NKAIN2: variants seen among roughly 807,000 people sequenced by gnomAD.
NKAIN2 encodes the protein sodium/potassium transporting ATPase interacting 2, also known as sodium/potassium-transporting ATPase subunit beta-1-interacting protein 2.
NKAIN2 carries 14 observed loss-of-function variants against 32.6 expected under a neutral mutation model. That is an observed-to-expected ratio of 0.43 (90% confidence interval 0.28 to 0.67). The LOEUF is 0.67. NKAIN2 is among the 30% of genes least tolerant of loss of function. The pLI is 0.17. For missense variants in NKAIN2, 198 were observed against 258.3 expected (o/e 0.77, Z 1.60); for synonymous variants, 80 against 87.2 (o/e 0.92, Z 0.46).
At chr6:124,806,558 G>T (rs1374720122) in intron 5 of NKAIN2, among the ~76,000 whole-genome samples, 6 of 151,976 alleles carry the variant, frequency 3.9e-5, no homozygotes, top group Admixed American at 1.3e-4. Context: ...AGACCATCGA[G>T]ACTAGGAAGA....
chr6:124,607,389 G>A (rs1777494036), intron 3 of NKAIN2, among the ~76,000 whole-genome samples: 1 of 152,046 alleles, frequency 6.6e-6, no homozygotes, highest in African/African-American at 2.4e-5. Flanking sequence ...AAACATAGAA[G>A]CAAAGCAGGA....
intron 1 of NKAIN2, among the ~76,000 whole-genome samples, chr6:123,850,792 T>C (rs1160013418): frequency 1.3e-5 from 2 of 152,338 alleles, no homozygotes; most frequent in Non-Finnish European, 2.9e-5. Context: ...TGTTATTAAC[T>C]GTAGTCACCA....
intron 4 of NKAIN2, among the ~76,000 whole-genome samples, chr6:124,759,588 AACACACACACACACAC>A (rs542448143): frequency 0.026 from 2,208 of 84,488 alleles, 63 homozygotes; most frequent in African/African-American, 0.042. Context: ...CTGAAATTGC[AACACACACACACACAC>A]ACACACACAC....
intron 1 of NKAIN2, among the ~76,000 whole-genome samples, chr6:123,859,141 C>T (rs1256193721): frequency 6.6e-6 from 1 of 152,026 alleles, no homozygotes; most frequent in Non-Finnish European, 1.5e-5. Context: ...ACAATTAGCT[C>T]CTTTTTTTGG....
intron 3 of NKAIN2, among the ~76,000 whole-genome samples, chr6:124,360,228 A>G (rs1799217872): frequency 6.6e-6 from 1 of 152,108 alleles, no homozygotes; most frequent in South Asian, 2.1e-4. Context: ...TTGGTCTAAA[A>G]TTCTCTTTTT....
At chr6:124,095,607 G>A (rs1416115583) in intron 1 of NKAIN2, among the ~76,000 whole-genome samples, 1 of 151,982 alleles carries the variant, frequency 6.6e-6, no homozygotes, top group African/African-American at 2.4e-5. Flanking sequence ...TTTCTATTCT[G>A]CATAATTTTG....
intron 4 of NKAIN2, among the ~76,000 whole-genome samples, chr6:124,757,867 T>C (rs1380764957): frequency 6.6e-6 from 1 of 152,180 alleles, no homozygotes; most frequent in Non-Finnish European, 1.5e-5. Flanking sequence ...TTATTGAGAT[T>C]AAGAATAAAT....
intron 1 of NKAIN2, among the ~76,000 whole-genome samples, chr6:124,163,256 C>CTAAAA (rs111373413): frequency 9.4e-4 from 142 of 151,714 alleles, no homozygotes; most frequent in African/African-American, 3.4e-3. Flanking sequence ...AAAAAACAAA[C>CTAAAA]TAAAAGTTGC....
chr6:123,807,419 A>T (rs112737062), intron 1 of NKAIN2, among the ~76,000 whole-genome samples: 1 of 152,220 alleles, frequency 6.6e-6, no homozygotes, highest in Non-Finnish European at 1.5e-5. Flanking sequence ...TCTTTTTATC[A>T]TTGCTGTCCT....
chr6:123,941,885 A>G (rs566871011), intron 1 of NKAIN2, among the ~76,000 whole-genome samples: 2 of 151,742 alleles, frequency 1.3e-5, no homozygotes, highest in Non-Finnish European at 2.9e-5. Flanking sequence ...TTTTTTACCA[A>G]TCCCTTCCCT....
At chr6:124,356,524 C>A (rs1798988068) in intron 3 of NKAIN2, among the ~76,000 whole-genome samples, 1 of 152,158 alleles carries the variant, frequency 6.6e-6, no homozygotes. Flanking sequence ...AGAATGTGGA[C>A]AAGTCCTCAC....
chr6:123,904,073 C>CA (rs2114426879), intron 1 of NKAIN2, among the ~76,000 whole-genome samples: 1 of 151,888 alleles, frequency 6.6e-6, no homozygotes, highest in African/African-American at 2.4e-5. Context: ...ACTAAAAATA[C>CA]AAAAAAATTC....
At chr6:124,019,632 ATAT>A (rs568688829) in intron 1 of NKAIN2, among the ~76,000 whole-genome samples, 48 of 152,274 alleles carry the variant, frequency 3.2e-4, no homozygotes, top group African/African-American at 1.1e-3. Context: ...AACATAATAA[ATAT>A]TATGGATCAT....
intron 1 of NKAIN2, among the ~76,000 whole-genome samples, chr6:123,962,451 C>G (rs1777889071): frequency 6.6e-6 from 1 of 152,118 alleles, no homozygotes; most frequent in Non-Finnish European, 1.5e-5. Flanking sequence ...TTTCCTGAGT[C>G]CTTTATAACC....
intron 4 of NKAIN2, among the ~76,000 whole-genome samples, chr6:124,727,698 C>T (rs1441018670): frequency 2.0e-5 from 3 of 150,070 alleles, no homozygotes; most frequent in Admixed American, 1.3e-4. Flanking sequence ...ATCAAATTCA[C>T]ACATAACAAT....
At chr6:124,451,855 T>C (rs919075337) in intron 3 of NKAIN2, among the ~76,000 whole-genome samples, 3 of 152,006 alleles carry the variant, frequency 2.0e-5, no homozygotes, top group Non-Finnish European at 4.4e-5. Flanking sequence ...TTTCCTCTGT[T>C]GTGGATGTGA....
At chr6:124,423,114 C>A (rs1020099694) in intron 3 of NKAIN2, among the ~76,000 whole-genome samples, 2 of 152,176 alleles carry the variant, frequency 1.3e-5, no homozygotes, top group Non-Finnish European at 2.9e-5. Flanking sequence ...CAAATGCACA[C>A]CTGTGCTCTT....
intron 3 of NKAIN2, among the ~76,000 whole-genome samples, chr6:124,584,943 C>T (rs1275600642): frequency 7.9e-5 from 12 of 152,162 alleles, no homozygotes; most frequent in Non-Finnish European, 1.0e-4. Flanking sequence ...ATCTAGCAAT[C>T]CCACTGCTAT....
intron 1 of NKAIN2, among the ~76,000 whole-genome samples, chr6:123,824,338 T>A (rs1367647347): frequency 2.0e-5 from 3 of 152,128 alleles, no homozygotes; most frequent in East Asian, 3.9e-4. Context: ...TTATCTGTAT[T>A]GTAAAGGGCA....
Sources: gnomAD v4.1 joint callset for allele counts (sites outside exome capture counted in the v4.1 genomes callset) on GRCh38, gnomAD v4.1.1 for gene constraint, MANE v1.5 for transcripts, NCBI Gene and HGNC (gene_info 2026-07-23, HGNC 2026-07-21) for gene names.